NFILZ: variants seen among roughly 807,000 people sequenced by gnomAD.
NFILZ encodes the protein NFIL3 like basic leucine zipper.
intron 3 of NFILZ, among the ~76,000 whole-genome samples, chr19:8,645,792 G>C (rs561076799): frequency 6.6e-6 from 1 of 152,170 alleles, no homozygotes; most frequent in Non-Finnish European, 1.5e-5. Context: ...AGTGATGGCA[G>C]AGGAGAGGCA....
At chr19:8,652,544 A>G (rs2042968902) in intron 3 of NFILZ, among the ~76,000 whole-genome samples, 1 of 152,216 alleles carries the variant, frequency 6.6e-6, no homozygotes, top group African/African-American at 2.4e-5. Context: ...ACGCTTTAAA[A>G]TTTGTTCATT....
At chr19:8,649,988 G>A (rs2042957942) in intron 3 of NFILZ, among the ~76,000 whole-genome samples, 3 of 151,884 alleles carry the variant, frequency 2.0e-5, no homozygotes, top group Admixed American at 6.6e-5. Context: ...GGTCGTGGGC[G>A]CCTGTAATCC....
chr19:8,636,957 G>A (rs569723807), intron 3 of NFILZ, among the ~76,000 whole-genome samples: 2 of 152,292 alleles, frequency 1.3e-5, no homozygotes, highest in East Asian at 1.9e-4. Context: ...GGGACAGTCA[G>A]GGATAGAGCT....
intron 1 of NFILZ, among the ~76,000 whole-genome samples, chr19:8,631,517 T>G (rs1296306030): frequency 1.3e-5 from 2 of 151,588 alleles, no homozygotes; most frequent in Admixed American, 6.6e-5. Flanking sequence ...GGCAGCGGAG[T>G]CCCCTGGGAC....
intron 3 of NFILZ, among the ~76,000 whole-genome samples, chr19:8,640,269 C>G (rs1400610160): frequency 6.6e-6 from 1 of 150,644 alleles, no homozygotes; most frequent in African/African-American, 2.4e-5. Flanking sequence ...AGATACTGTG[C>G]TCTCCCAGTC....
At chr19:8,632,305 A>G (rs889045548) in intron 1 of NFILZ, among the ~76,000 whole-genome samples, 171 bp from the exon 2 acceptor site, 6 of 151,622 alleles carry the variant, frequency 4.0e-5, no homozygotes, top group Non-Finnish European at 5.9e-5. Context: ...CTGTTGTGTC[A>G]GAGACTTGTG....
chr19:8,643,554 A>G (rs1255833641), intron 3 of NFILZ, among the ~76,000 whole-genome samples: 3 of 152,190 alleles, frequency 2.0e-5, no homozygotes, highest in Admixed American at 2.0e-4. Flanking sequence ...ACCTCATCCA[A>G]TCTGTTGAGG....
At chr19:8,651,635 G>T (rs1017776380) in intron 3 of NFILZ, among the ~76,000 whole-genome samples, 2 of 152,052 alleles carry the variant, frequency 1.3e-5, no homozygotes, top group African/African-American at 4.8e-5. Flanking sequence ...GGACTCATGC[G>T]ATCCTCCTAC....
At chr19:8,652,349 C>T (rs1200882124) in intron 3 of NFILZ, among the ~76,000 whole-genome samples, 2 of 152,140 alleles carry the variant, frequency 1.3e-5, no homozygotes, top group African/African-American at 2.4e-5. Flanking sequence ...GTGATCCACT[C>T]GCCTCGGCCT....
At chr19:8,647,805 A>G (rs1303102957) in intron 3 of NFILZ, among the ~76,000 whole-genome samples, 22 of 133,448 alleles carry the variant, frequency 1.6e-4, no homozygotes, top group African/African-American at 5.2e-4. Flanking sequence ...GCACACACAC[A>G]CACACACACA....
rs1462876137 is a variant in NFILZ, at chr19:8,679,352, ATCATGGGGAGAGC to A, written c.*1725_*1737del. Among the ~76,000 whole-genome samples the A allele has an allele frequency of 6.6e-6, 1 of 151,610 alleles. No homozygotes were observed. The highest frequency in any genetic ancestry group is 1.5e-5 in the Non-Finnish European group (1 of 67,922). ...TCTAGATAAAAATACTCAAACTCCA[ATCATGGGGAGAGC>A]TCATGGGATGGGGGGCTCATCTGGA... is the stretch of plus-strand genomic sequence containing the variant. On this transcript the variant is annotated 3_prime_UTR_variant, in exon 6 of 6. Coordinates refer to ENST00000691075, the MANE Select transcript of NFILZ (RefSeq NM_001378600.1).
intron 3 of NFILZ, among the ~76,000 whole-genome samples, chr19:8,646,427 G>A (rs1189898260): frequency 1.3e-5 from 2 of 152,190 alleles, no homozygotes; most frequent in Non-Finnish European, 2.9e-5. Context: ...CACACAGCTG[G>A]CGTGGCCAGA....
At chr19:8,671,718 G>T (rs2043087773) in intron 3 of NFILZ, among the ~76,000 whole-genome samples, 1 of 152,098 alleles carries the variant, frequency 6.6e-6, no homozygotes, top group Admixed American at 6.5e-5. Context: ...CTAGATGCTG[G>T]CCCCAGAGCT....
intron 3 of NFILZ, among the ~76,000 whole-genome samples, chr19:8,636,575 G>T (rs1600138323): frequency 6.7e-6 from 1 of 150,338 alleles, no homozygotes; most frequent in African/African-American, 2.4e-5. Context: ...CTCCTGAGTA[G>T]CTAGGATTAC....
intron 3 of NFILZ, among the ~76,000 whole-genome samples, chr19:8,640,590 A>G (rs2042915098): frequency 6.6e-6 from 1 of 152,136 alleles, no homozygotes; most frequent in Admixed American, 6.6e-5. Context: ...CACAGTCCAG[A>G]AAAATTGAGG....
rs1485360272 is a variant in NFILZ at position 8,677,671 on chromosome 19, G to T, written c.*36G>T. ...TGGGAAGGGCTAGGCTTGCAAGGGG[G>T]TGTTTGGGGGCGGAATATAGGTTTG... On this transcript the variant is annotated 3_prime_UTR_variant, in exon 6 of 6. Coordinates refer to ENST00000691075, the MANE Select transcript of NFILZ (RefSeq NM_001378600.1). 1 of 152,274 alleles carries T rather than the reference G, an allele frequency of 6.6e-6. No homozygotes were observed. The highest frequency in any genetic ancestry group is 6.5e-5 in the Admixed American group (1 of 15,292). The allele number at this position is 152,274 out of a possible 1,614,324, so 9.4% of individuals were successfully genotyped here.
chr19:8,675,200 G>A (rs868920630), intron 4 of NFILZ, among the ~76,000 whole-genome samples: 12 of 152,268 alleles, frequency 7.9e-5, no homozygotes, highest in South Asian at 2.1e-4. Flanking sequence ...AAAGATGATC[G>A]GTTTTCAGCC....
At chr19:8,637,332 A>AAAAACC (rs1466111941) in intron 3 of NFILZ, among the ~76,000 whole-genome samples, 3 of 151,838 alleles carry the variant, frequency 2.0e-5, no homozygotes, top group South Asian at 4.2e-4. Context: ...GCAATAGAAA[A>AAAAACC]AAAACCAAAA....
At chr19:8,650,378 C>T (rs2967722) in intron 3 of NFILZ, among the ~76,000 whole-genome samples, 15,951 of 150,996 alleles carry the variant, frequency 0.11, 1,271 homozygotes, top group East Asian at 0.43. Flanking sequence ...ATAGAGGCTG[C>T]GTGCGGTGGC....
Sources: allele counts gnomAD v4.1 joint callset (sites outside exome capture counted in the v4.1 genomes callset), GRCh38; gene constraint gnomAD v4.1.1; transcripts MANE v1.5; gene names NCBI Gene and HGNC (gene_info 2026-07-23, HGNC 2026-07-21).